The following WWC2 variants were observed in gnomAD, a reference collection of about 807,000 sequenced individuals.
The protein encoded by WWC2 is protein WWC2.
Under a neutral mutation model 138.5 loss-of-function variants are expected in WWC2, and 101 were observed. The observed-to-expected ratio is 0.73, with a 90% CI of 0.62 to 0.86. WWC2 has a LOEUF of 0.86. Among genes scored for constraint, WWC2 ranks in the 40% least tolerant of loss-of-function variants. The probability of loss-of-function intolerance (pLI) is 0.00; values close to 1 mark genes in which losing one functional copy is unlikely to be tolerated. For missense variants in WWC2, 1,420 were observed against 1,419.4 expected (o/e 1.00, Z -0.01); for synonymous variants, 558 against 538.4 (o/e 1.04, Z -0.50).
chr4:183,132,509 T>A (rs186503198), intron 1 of WWC2, among the ~76,000 whole-genome samples: 3,703 of 151,628 alleles, frequency 0.024, 74 homozygotes, highest in Non-Finnish European at 0.037. Flanking sequence ...GCTGGAGTGC[T>A]GTGGCGCGAT....
At chr4:183,297,547 C>T (rs1738676000) in intron 21 of WWC2, among the ~76,000 whole-genome samples, 1 of 151,924 alleles carries the variant, frequency 6.6e-6, no homozygotes, top group Non-Finnish European at 1.5e-5. Context: ...GTAGCTGGGA[C>T]TACAGGCGCG....
intron 4 of WWC2, among the ~76,000 whole-genome samples, chr4:183,228,672 A>G (rs1003331265): frequency 1.3e-5 from 2 of 152,116 alleles, no homozygotes; most frequent in Non-Finnish European, 2.9e-5. Flanking sequence ...AAGACGAACA[A>G]TATGAAGCGT....
chr4:183,112,392 T>C (rs1165696615), intron 1 of WWC2, among the ~76,000 whole-genome samples: 1 of 152,200 alleles, frequency 6.6e-6, no homozygotes, highest in African/African-American at 2.4e-5. Context: ...AGATTGCCTG[T>C]CCCCACAGGG....
intron 4 of WWC2, among the ~76,000 whole-genome samples, chr4:183,219,661 TTGAC>T (rs1735867230): frequency 6.6e-6 from 1 of 152,200 alleles, no homozygotes; most frequent in African/African-American, 2.4e-5. Context: ...ATAAGGCACT[TTGAC>T]TATTCATAAA....
chr4:183,233,659 A>G (rs1407310637), intron 4 of WWC2: 3 of 152,212 alleles, frequency 2.0e-5, no homozygotes, highest in African/African-American at 4.8e-5. Context: ...CTGATGGCCA[A>G]TTCCATTTAT....
chr4:183,271,923 T>C (rs1304532468), intron 16 of WWC2, among the ~76,000 whole-genome samples: 1 of 152,130 alleles, frequency 6.6e-6, no homozygotes, highest in Non-Finnish European at 1.5e-5. Context: ...GGTGGATCGA[T>C]TGACCCTCAG....
Position 183,265,889 on chromosome 4 carries a change from C to T in WWC2, c.2145C>T (p.Phe715=), listed in dbSNP as rs754933189. 2.5e-6 allele frequency: 4 copies of T among 1,613,304 alleles called. No homozygotes were observed. Among genetic ancestry groups the T allele is most frequent in the Non-Finnish European group, 3.4e-6 (4 of 1,179,638 alleles). ...GATACAATGCAAAAAGTTCAAGTTTCATGGTGATTATAGCACAGCTCCGAA... is the reference window on the plus strand; with the variant it reads ...GATACAATGCAAAAAGTTCAAGTTTTATGGTGATTATAGCACAGCTCCGAA... ...GLRYNAKSSS[F]MVIIAQLRNL... Residue 715 remains phenylalanine (F), a synonymous_variant, in exon 14 of 23, where the codon TTC becomes TTT. Transcript: ENST00000403733.
chr4:183,168,266 A>T (rs1734180817), intron 1 of WWC2, among the ~76,000 whole-genome samples: 1 of 150,898 alleles, frequency 6.6e-6, no homozygotes, highest in Non-Finnish European at 1.5e-5. Context: ...GGGATTTAAA[A>T]CAAAATTCTT....
chr4:183,312,591 C>G (rs756799134), intron 22 of WWC2, 123 bp downstream of exon 22: 64 of 1,378,414 alleles, frequency 4.6e-5, no homozygotes, highest in Non-Finnish European at 6.3e-5. Context: ...TGTTCTCTAC[C>G]TTGAATATAT....
At chr4:183,162,859 G>C (rs1734000522) in intron 1 of WWC2, among the ~76,000 whole-genome samples, 1 of 152,116 alleles carries the variant, frequency 6.6e-6, no homozygotes, top group African/African-American at 2.4e-5. Context: ...CAATCCCAAA[G>C]CCTTATCAAG....
At chr4:183,242,882 G>A (rs1736664620) in intron 5 of WWC2, among the ~76,000 whole-genome samples, 1 of 152,118 alleles carries the variant, frequency 6.6e-6, no homozygotes, top group Non-Finnish European at 1.5e-5. Flanking sequence ...ACAAGTTAGG[G>A]TCAAAAGAGA....
At chr4:183,159,064 A>T (rs187333833) in intron 1 of WWC2, among the ~76,000 whole-genome samples, 1 of 152,278 alleles carries the variant, frequency 6.6e-6, no homozygotes, top group East Asian at 1.9e-4. Flanking sequence ...GCATTCACCT[A>T]GTATCTCAGC....
At chr4:183,241,599 A>T (rs1327100828) in intron 5 of WWC2, among the ~76,000 whole-genome samples, 1 of 152,200 alleles carries the variant, frequency 6.6e-6, no homozygotes, top group Non-Finnish European at 1.5e-5. Flanking sequence ...AGTGCTTAGA[A>T]AAATAATGTT....
At chr4:183,203,841 T>C (rs1049119674) in intron 2 of WWC2, among the ~76,000 whole-genome samples, 1 of 152,164 alleles carries the variant, frequency 6.6e-6, no homozygotes, top group Non-Finnish European at 1.5e-5. Flanking sequence ...GAGCGATTCT[T>C]CCTCTCATTT....
intron 15 of WWC2, 98 bp from the exon 16 acceptor site, chr4:183,270,982 T>C (rs1352479602): frequency 9.0e-7 from 1 of 1,115,306 alleles, no homozygotes; most frequent in Non-Finnish European, 1.2e-6. Flanking sequence ...TAAAACAAGC[T>C]CATTCAATAA....
intron 4 of WWC2, among the ~76,000 whole-genome samples, chr4:183,217,964 C>A (rs1416436378): frequency 6.6e-6 from 1 of 151,818 alleles, no homozygotes; most frequent in Admixed American, 6.6e-5. Context: ...AATCATATTG[C>A]CAGAAATCAA....
chr4:183,285,436 T>C (rs1029722578), intron 19 of WWC2, among the ~76,000 whole-genome samples: 4 of 152,222 alleles, frequency 2.6e-5, no homozygotes, highest in East Asian at 1.9e-4. Flanking sequence ...CTTAAACATA[T>C]GATTTTTAAT....
At chr4:183,278,153 T>C (rs1329852648) in intron 16 of WWC2, among the ~76,000 whole-genome samples, 1 of 152,184 alleles carries the variant, frequency 6.6e-6, no homozygotes, top group African/African-American at 2.4e-5. Context: ...TTGATTTTTG[T>C]ATAAGGTATA....
intron 1 of WWC2, among the ~76,000 whole-genome samples, chr4:183,120,202 T>G (rs1732554077): frequency 6.6e-6 from 1 of 152,228 alleles, no homozygotes; most frequent in Non-Finnish European, 1.5e-5. Flanking sequence ...AACCAGTTAT[T>G]TAAACATTCT....
Sources: gnomAD v4.1 joint callset for allele counts (sites outside exome capture counted in the v4.1 genomes callset) on GRCh38, gnomAD v4.1.1 for gene constraint, MANE v1.5 for transcripts, NCBI Gene and HGNC (gene_info 2026-07-23, HGNC 2026-07-21) for gene names.